RAB10: variants seen among roughly 807,000 people sequenced by gnomAD.
RAB10 encodes ras-related protein Rab-10.
In RAB10, 5 loss-of-function variants were observed where a neutral mutation model predicts 25.7. The observed-to-expected ratio is 0.19, with a 90% confidence interval of 0.10 to 0.41. RAB10 has a LOEUF of 0.41. RAB10 is among the 10% of genes least tolerant of loss of function. The pLI is 1.00. For missense variants in RAB10, 103 were observed against 245.8 expected, an observed-to-expected ratio of 0.42 and a Z score of 3.89; for synonymous variants, 89 against 86.4, an observed-to-expected ratio of 1.03 and a Z score of -0.16.
intron 2 of RAB10, among the ~76,000 whole-genome samples, chr2:26,107,560 C>A (rs1298742010): frequency 6.6e-6 from 1 of 152,152 alleles, no homozygotes; most frequent in Admixed American, 6.5e-5. Context: ...CTTTGGGAGG[C>A]TGAGGCGGGC....
At chr2:26,052,056 C>CAA (rs71399349) in intron 1 of RAB10, among the ~76,000 whole-genome samples, 2 of 115,206 alleles carry the variant, frequency 1.7e-5, no homozygotes, top group Non-Finnish European at 3.6e-5. Context: ...GACTCAGTCT[C>CAA]AAAAAAAAAA....
chr2:26,092,937 G>A (rs1226790455), intron 1 of RAB10, among the ~76,000 whole-genome samples: 2 of 152,080 alleles, frequency 1.3e-5, no homozygotes, highest in Non-Finnish European at 2.9e-5. Flanking sequence ...TTGTGTATGA[G>A]AAACATAATG....
chr2:26,091,883 A>AT (rs1667113978), intron 1 of RAB10, among the ~76,000 whole-genome samples: 1 of 152,158 alleles, frequency 6.6e-6, no homozygotes, highest in Non-Finnish European at 1.5e-5. Flanking sequence ...TAGTAAGATC[A>AT]GATGAGGACC....
intron 1 of RAB10, among the ~76,000 whole-genome samples, chr2:26,079,503 A>G (rs1165826791): frequency 6.6e-6 from 1 of 152,198 alleles, no homozygotes; most frequent in Non-Finnish European, 1.5e-5. Flanking sequence ...GTATGAACTC[A>G]TGGTTCAATA....
chr2:26,136,833 A>G lies in RAB10; in HGVS notation c.*1812A>G, dbSNP rs1018948185. On this transcript the variant is annotated 3_prime_UTR_variant, in exon 6 of 6. Coordinates refer to ENST00000264710, the MANE Select transcript of RAB10 (RefSeq NM_016131.5). Reference sequence around the variant, plus strand: ...ATATGCCTCACTGGTTGTTATTCTTAGGTTATTCCCACACTTGACTTTATC... The same window carrying G: ...ATATGCCTCACTGGTTGTTATTCTTGGGTTATTCCCACACTTGACTTTATC... The G allele has an allele frequency of 6.6e-6, 1 of 152,574 alleles. No homozygotes were observed. The highest frequency in any genetic ancestry group is 6.5e-5 in the Admixed American group (1 of 15,280). 9.5% of individuals were successfully genotyped at this position (152,574 alleles called of 1,614,324 possible).
At chr2:26,060,222 T>C (rs1666365682) in intron 1 of RAB10, among the ~76,000 whole-genome samples, 1 of 152,226 alleles carries the variant, frequency 6.6e-6, no homozygotes, top group Non-Finnish European at 1.5e-5. Context: ...CCTGGCACTG[T>C]GTGAAGTGCT....
intron 1 of RAB10, among the ~76,000 whole-genome samples, chr2:26,044,671 G>A (rs1370687845): frequency 6.6e-6 from 1 of 151,064 alleles, no homozygotes; most frequent in Non-Finnish European, 1.5e-5. Flanking sequence ...TCAACCTCCC[G>A]AGTAGCTGGG....
intron 1 of RAB10, among the ~76,000 whole-genome samples, chr2:26,036,654 G>T (rs915512181): frequency 6.6e-6 from 1 of 151,758 alleles, no homozygotes; most frequent in African/African-American, 2.4e-5. Flanking sequence ...GCCAGACTCC[G>T]TCTCAAAATA....
Position 26,127,852 on chromosome 2 carries a change from T to A in RAB10, c.420T>A (p.Ile140=), listed in dbSNP as rs996499508. The A allele has an allele frequency of 6.3e-7, 1 of 1,593,688 alleles. No individual in the cohort carries two copies. The highest frequency in any genetic ancestry group is 1.1e-5 in the South Asian group (1 of 90,684). The change falls in exon 5 of 6, where the codon ATT becomes ATA. Residue 140 remains isoleucine, a splice_region_variant and synonymous_variant. Transcript: ENST00000264710. ...RVVPKGKGEQ[I]AREHGIRFFE... Reference sequence around the variant, plus strand: ...ATGATATTTTGTTTCTGTTTTAGATTGCAAGGGAGCATGGTATTAGGTTTT... The same window carrying A: ...ATGATATTTTGTTTCTGTTTTAGATAGCAAGGGAGCATGGTATTAGGTTTT...
chr2:26,043,193 C>CA (rs1665928612), intron 1 of RAB10, among the ~76,000 whole-genome samples: 1 of 152,098 alleles, frequency 6.6e-6, no homozygotes, highest in Non-Finnish European at 1.5e-5. Flanking sequence ...TTTAGGAGGC[C>CA]AGATTACTTG....
chr2:26,121,931 G>A (rs1442216425), intron 3 of RAB10, among the ~76,000 whole-genome samples: 3 of 152,126 alleles, frequency 2.0e-5, no homozygotes, highest in Non-Finnish European at 2.9e-5. Flanking sequence ...AACAGTTTGT[G>A]TCTCCAGTAA....
intron 3 of RAB10, among the ~76,000 whole-genome samples, chr2:26,113,026 A>G (rs1174533167): frequency 1.3e-5 from 2 of 152,140 alleles, no homozygotes; most frequent in African/African-American, 4.8e-5. Flanking sequence ...AGGAGGTTGC[A>G]GTGAGCCAAG....
At chr2:26,089,333 G>C (rs1470337548) in intron 1 of RAB10, among the ~76,000 whole-genome samples, 2 of 151,416 alleles carry the variant, frequency 1.3e-5, no homozygotes, top group African/African-American at 4.9e-5. Context: ...TGAGGCAGGA[G>C]AATTGCTTGA....
chr2:26,098,109 C>CTTTTTTTTTTTTTTTTTT lies in RAB10; in HGVS notation c.128-542_128-525dup, dbSNP rs57174956. On this transcript the variant is annotated intron_variant, in intron 1 of 5. Coordinates refer to ENST00000264710, the MANE Select transcript of RAB10 (RefSeq NM_016131.5). ...CTTCTTTTTCTTTCTTTCTTTCTTT[C>CTTTTTTTTTTTTTTTTTT]TTTTTTTTTTTTTTTTTTTTTTTTT... Among the ~76,000 whole-genome samples, 13 of 52,724 alleles carry CTTTTTTTTTTTTTTTTTT rather than the reference C, an allele frequency of 2.5e-4. 1 individual carries two copies. The highest frequency in any genetic ancestry group is 3.1e-4 in the African/African-American group (4 of 12,906). The allele number at this position is 52,724 out of a possible 152,430, so 34.6% of individuals were successfully genotyped here. A position where few individuals can be genotyped will look rare whatever the true frequency, so the allele number is the denominator to read the frequency against.
intron 3 of RAB10, among the ~76,000 whole-genome samples, chr2:26,114,212 T>C (rs552486351): frequency 1.1e-4 from 16 of 152,088 alleles, no homozygotes; most frequent in African/African-American, 3.6e-4. Context: ...TTTTTAAAAA[T>C]TCCCCCCCGT....
chr2:26,059,165 A>G (rs1666345201), intron 1 of RAB10, among the ~76,000 whole-genome samples: 1 of 152,236 alleles, frequency 6.6e-6, no homozygotes, highest in Non-Finnish European at 1.5e-5. Context: ...GTATTACACT[A>G]ATTGCTTTAC....
At chr2:26,098,463 AT>A in intron 1 of RAB10, 198 bp from the exon 2 acceptor site, 1 of 510,862 alleles carries the variant, frequency 2.0e-6, no homozygotes, top group Non-Finnish European at 3.4e-6. Context: ...TTCTGTATCT[AT>A]TTTTCCTCCT....
intron 1 of RAB10, among the ~76,000 whole-genome samples, chr2:26,047,634 C>G (rs1331094720): frequency 6.6e-6 from 1 of 151,246 alleles, no homozygotes; most frequent in East Asian, 1.9e-4. Flanking sequence ...CCGGGCTGGT[C>G]TTGAACGCCT....
At chr2:26,055,433 G>T (rs1559579888) in intron 1 of RAB10, among the ~76,000 whole-genome samples, 1 of 150,912 alleles carries the variant, frequency 6.6e-6, no homozygotes, top group East Asian at 1.9e-4. Context: ...TTTCTCCCAG[G>T]CTGGAGAGCA....
Sources: allele counts gnomAD v4.1 joint callset (sites outside exome capture counted in the v4.1 genomes callset), GRCh38; gene constraint gnomAD v4.1.1; transcripts MANE v1.5; gene names NCBI Gene and HGNC (gene_info 2026-07-23, HGNC 2026-07-21).